Variants in FIGN observed in about 807,000 individuals in gnomAD.
FIGN encodes fidgetin.
FIGN carries 11 observed loss-of-function variants against 51.3 expected under a neutral mutation model. The ratio of observed to expected loss-of-function variants is 0.21; its 90% CI spans 0.13 to 0.35. FIGN has a LOEUF of 0.35. FIGN is among the 10% of genes least tolerant of loss of function. The pLI, the probability that FIGN is intolerant of heterozygous loss-of-function variation, is 1.00. For synonymous variants in FIGN, 407 were observed against 363.2 expected (o/e 1.12, Z -1.37); for missense variants, 857 against 943.6 (o/e 0.91, Z 1.20).
chr2:163,644,014 T>C (rs1336662712), intron 2 of FIGN, among the ~76,000 whole-genome samples: 1 of 146,276 alleles, frequency 6.8e-6, no homozygotes, highest in Non-Finnish European at 1.5e-5. Context: ...TAGGCGCTTC[T>C]CTTAGAAGAA....
At chr2:163,728,397 A>AACACACACAC (rs60526284) in intron 2 of FIGN, among the ~76,000 whole-genome samples, 12 of 141,932 alleles carry the variant, frequency 8.5e-5, no homozygotes, top group East Asian at 6.4e-4. Context: ...CAAACCATTA[A>AACACACACAC]ACACACACAC....
chr2:163,614,591 T>G (rs1269548599), intron 2 of FIGN, among the ~76,000 whole-genome samples: 3 of 152,018 alleles, frequency 2.0e-5, no homozygotes, highest in Non-Finnish European at 4.4e-5. Context: ...TGTGATTAGT[T>G]TGATACAGAA....
At chr2:163,619,062 G>C (rs1247960756) in intron 2 of FIGN, among the ~76,000 whole-genome samples, 1 of 151,964 alleles carries the variant, frequency 6.6e-6, no homozygotes, top group Non-Finnish European at 1.5e-5. Context: ...TTAAAAAACT[G>C]GTCTCAGATG....
At chr2:163,665,463 G>A (rs111423825) in intron 2 of FIGN, among the ~76,000 whole-genome samples, 89 of 152,294 alleles carry the variant, frequency 5.8e-4, no homozygotes, top group African/African-American at 1.9e-3. Flanking sequence ...ATTTTGTCAG[G>A]AAACAGTTGT....
Position 163,676,482 on chromosome 2 carries a change from T to A in FIGN, c.25+58421A>T, listed in dbSNP as rs1232718128. On this transcript the variant is annotated intron_variant, in intron 2 of 2. Transcript: ENST00000333129. ...ATATATATATATATATATATATATA[T>A]AACTAGAGTCTGTGCACCCGAATCT... 7.5e-4 allele frequency among the ~76,000 whole-genome samples: 43 copies of A among 57,302 alleles called. 1 individual carries two copies. The highest frequency in any genetic ancestry group is 2.0e-3 in the African/African-American group (42 of 21,288). 37.6% of individuals were successfully genotyped at this position (57,302 alleles called of 152,430 possible). A position where few individuals can be genotyped will look rare whatever the true frequency, so the allele number is the denominator to read the frequency against.
chr2:163,664,845 CG>C (rs1450818457), intron 2 of FIGN, among the ~76,000 whole-genome samples: 1 of 152,158 alleles, frequency 6.6e-6, no homozygotes, highest in East Asian at 1.9e-4. Flanking sequence ...AAACCAATAA[CG>C]TGGGTTCTAA....
rs1007160382 is a variant in FIGN at position 163,604,550 on chromosome 2, G to A, written c.*5002C>T. The A allele has an allele frequency of 3.9e-5, 6 of 152,010 alleles. No homozygotes were observed. The highest frequency in any genetic ancestry group is 1.3e-4 in the Admixed American group (2 of 15,222). The allele number at this position is 152,010 out of a possible 1,614,324, so 9.4% of individuals were successfully genotyped here. A position where few individuals can be genotyped will look rare whatever the true frequency, so the allele number is the denominator to read the frequency against. ...TCAGTGTAAAGACAGTCTTTCTGAGGTAGACTGTTCAAGTTCAAGGACAAG... is the reference window on the plus strand; with the variant it reads ...TCAGTGTAAAGACAGTCTTTCTGAGATAGACTGTTCAAGTTCAAGGACAAG... On this transcript the variant is annotated 3_prime_UTR_variant, in exon 3 of 3. Transcript: ENST00000333129.
chr2:163,691,280 A>G (rs942163068), intron 2 of FIGN, among the ~76,000 whole-genome samples: 4 of 152,220 alleles, frequency 2.6e-5, no homozygotes, highest in African/African-American at 9.6e-5. Flanking sequence ...AAAAATTGAT[A>G]CAATTACATT....
At chr2:163,720,535 TTTAA>T (rs1366108849) in intron 2 of FIGN, among the ~76,000 whole-genome samples, 1 of 152,186 alleles carries the variant, frequency 6.6e-6, no homozygotes, top group African/African-American at 2.4e-5. Context: ...CAATTTTAGT[TTTAA>T]TTAATTTCTC....
chr2:163,611,793 C>T lies in FIGN; in HGVS notation c.39G>A (p.Gln13=). The T allele has an allele frequency of 6.3e-7, 1 of 1,598,226 alleles. No homozygotes were observed. Among genetic ancestry groups the T allele is most frequent in the Non-Finnish European group, 8.6e-7 (1 of 1,166,768 alleles). Residue 13 remains glutamine, a synonymous_variant, in exon 3 of 3, where the codon CAG becomes CAA. Transcript: ENST00000333129. Reference sequence around the variant, plus strand: ...GCCACTGGGCATGCTCTGGCGTCCACTGCATCTTCAAGCCTAAGAATTTTG... The same window carrying T: ...GCCACTGGGCATGCTCTGGCGTCCATTGCATCTTCAAGCCTAAGAATTTTG... ...SSTSVYGLKM[Q]WTPEHAQWPE... is the part of the protein sequence containing the mutation.
chr2:163,648,007 G>C (rs961896757), intron 2 of FIGN, among the ~76,000 whole-genome samples: 5 of 152,066 alleles, frequency 3.3e-5, no homozygotes, highest in Non-Finnish European at 7.4e-5. Flanking sequence ...GACAAAGACA[G>C]ACATACAGAC....
chr2:163,633,546 T>C (rs1200549206), intron 2 of FIGN, among the ~76,000 whole-genome samples: 6 of 152,204 alleles, frequency 3.9e-5, no homozygotes, highest in Non-Finnish European at 7.3e-5. Flanking sequence ...GGGATATTGC[T>C]GCCTAGAGGA....
intron 2 of FIGN, among the ~76,000 whole-genome samples, chr2:163,719,169 A>G (rs961319598): frequency 2.6e-5 from 4 of 152,208 alleles, no homozygotes; most frequent in African/African-American, 9.6e-5. Flanking sequence ...TCCGATCTGA[A>G]GCCTACATAC....
rs1010031635 is a variant in FIGN, at chr2:163,602,832, A to G, written c.*6720T>C. 4 of 152,212 alleles carry G rather than the reference A, an allele frequency of 2.6e-5. No homozygotes were observed. The highest frequency in any genetic ancestry group is 4.8e-5 in the African/African-American group (2 of 41,546). 9.4% of individuals were successfully genotyped at this position (152,212 alleles called of 1,614,324 possible). On this transcript the variant is annotated 3_prime_UTR_variant, in exon 3 of 3. Transcript: ENST00000333129. ...TGGTAGCAAGTATTTATGAAAAGGA[A>G]TATTCAGTAGGGACAGTTGTTACAA... is the stretch of plus-strand genomic sequence containing the variant.
intron 2 of FIGN, among the ~76,000 whole-genome samples, chr2:163,631,635 T>A (rs2105311074): frequency 6.6e-6 from 1 of 152,280 alleles, no homozygotes; most frequent in Non-Finnish European, 1.5e-5. Flanking sequence ...ACTTTGTACT[T>A]ATACTGCATT....
chr2:163,694,209 T>C lies in FIGN; in HGVS notation c.25+40694A>G, dbSNP rs1257904336. On this transcript the variant is annotated intron_variant, in intron 2 of 2. Coordinates refer to ENST00000333129, the MANE Select transcript of FIGN (RefSeq NM_018086.4). The stretch of plus-strand genomic sequence containing the variant: ...CAGAGACAACAGCCATTCAAAATGT[T>C]TGTTTTGCCCCCACCAACTTGGGAT... 2.0e-5 allele frequency among the ~76,000 whole-genome samples: 3 copies of C among 152,334 alleles called. No individual in the cohort carries two copies. The East Asian group carries it at 5.8e-4, about 29-fold the overall frequency.
intron 2 of FIGN, among the ~76,000 whole-genome samples, chr2:163,622,970 T>C (rs1488274333): frequency 6.6e-6 from 1 of 152,198 alleles, no homozygotes; most frequent in Non-Finnish European, 1.5e-5. Context: ...CCCTGCTACC[T>C]CTTTAAATCA....
intron 2 of FIGN, among the ~76,000 whole-genome samples, chr2:163,646,170 C>CA (rs1468090284): frequency 6.6e-6 from 1 of 152,086 alleles, no homozygotes; most frequent in Non-Finnish European, 1.5e-5. Context: ...TGAATCTGCT[C>CA]AAAACCCTTC....
Position 163,606,121 on chromosome 2 carries a change from G to A in FIGN, c.*3431C>T, listed in dbSNP as rs1691105944. 1 of 152,030 alleles carries A rather than the reference G, an allele frequency of 6.6e-6. No individual in the cohort carries two copies. Among genetic ancestry groups the A allele is most frequent in the South Asian group, 2.1e-4 (1 of 4,832 alleles). The allele number at this position is 152,030 out of a possible 1,614,324, so 9.4% of individuals were successfully genotyped here. A position where few individuals can be genotyped will look rare whatever the true frequency, so the allele number is the denominator to read the frequency against. ...ATACCCGTCTATCTGCATTTGAGTA[G>A]AATACAAACTGACTAATAGATAAAC... On this transcript the variant is annotated 3_prime_UTR_variant, in exon 3 of 3. Transcript: ENST00000333129.
Sources: gnomAD v4.1 joint callset for allele counts (sites outside exome capture counted in the v4.1 genomes callset) on GRCh38, gnomAD v4.1.1 for gene constraint, MANE v1.5 for transcripts, NCBI Gene and HGNC (gene_info 2026-07-23, HGNC 2026-07-21) for gene names.